PGD: variants seen among roughly 807,000 people sequenced by gnomAD.
PGD encodes phosphogluconate dehydrogenase.
A neutral mutation model predicts 60.4 loss-of-function variants in PGD; 21 were observed. The ratio of observed to expected loss-of-function variants is 0.35; its 90% CI spans 0.25 to 0.50. The LOEUF is 0.50. PGD is among the 20% of genes least tolerant of loss of function. PGD has a pLI of 0.98. For synonymous variants in PGD, 230 were observed against 235.9 expected, an observed-to-expected ratio of 0.97 and a Z score of 0.23; for missense variants, 477 against 613.1, an observed-to-expected ratio of 0.78 and a Z score of 2.34.
chr1:10,417,245 C>G, intron 9 of PGD, 128 bp downstream of exon 9: 14 of 1,438,450 alleles, frequency 9.7e-6, no homozygotes, highest in Non-Finnish European at 1.2e-5. Flanking sequence ...TGACTTGGAT[C>G]TTGACTTACA....
chr1:10,400,472 C>T lies in PGD; in HGVS notation c.164C>T (p.Ala55Val). 6.2e-7 allele frequency: 1 copy of T among 1,613,638 alleles called. No homozygotes were observed. Among genetic ancestry groups the T allele is most frequent in the Non-Finnish European group, 8.5e-7 (1 of 1,179,662 alleles). ...GCAAAGGGAACCAAAGTGGTGGGTG[C>T]CCAGTCCCTGAAAGAGATGGTCTCC... The part of the protein sequence containing the change: ...NEAKGTKVVG[A>V]QSLKEMVSKL... The change falls in exon 3 of 13, where the codon GCC becomes GTC. Residue 55 changes from alanine to valine, a missense_variant. Ala to Val is a moderately conservative substitution (Grantham distance 64). Around this residue, in one of 3 missense-constraint regions of PGD, gnomAD observed 431 missense variants for 556.6 expected, o/e 0.77. Coordinates refer to ENST00000270776, the MANE Select transcript of PGD (RefSeq NM_002631.4).
At chr1:10,406,070 G>T (rs1639399459) in intron 5 of PGD, among the ~76,000 whole-genome samples, 1 of 152,100 alleles carries the variant, frequency 6.6e-6, no homozygotes, top group Admixed American at 6.5e-5. Context: ...AGCCAGGATG[G>T]TCTTGATCCC....
In PGD at chr1:10,417,367, A is replaced by G. The variant is rs553111431; in HGVS notation, c.976-9A>G. Reference sequence around the variant, plus strand: ...GGCAATCCTAGTAGGTCTCTGTGTCACTCTTTAGGCACTCTACGCTTCCAA... The same window carrying G: ...GGCAATCCTAGTAGGTCTCTGTGTCGCTCTTTAGGCACTCTACGCTTCCAA... On this transcript the variant is annotated splice_polypyrimidine_tract_variant and intron_variant, in intron 9 of 12. Coordinates refer to ENST00000270776, the MANE Select transcript of PGD (RefSeq NM_002631.4). 3 of 1,601,246 alleles carry G rather than the reference A, an allele frequency of 1.9e-6. No individual in the cohort carries two copies. The highest frequency in any genetic ancestry group is 2.6e-6 in the Non-Finnish European group (3 of 1,173,622).
At chr1:10,399,301 G>T (rs1442418185) in intron 1 of PGD, among the ~76,000 whole-genome samples, 176 bp downstream of exon 1, 1 of 152,210 alleles carries the variant, frequency 6.6e-6, no homozygotes, top group Non-Finnish European at 1.5e-5. Context: ...TTCCCTGCGG[G>T]CCCGGCCCCC....
At chr1:10,399,477 C>A in intron 1 of PGD, 152 bp from the exon 2 acceptor site, 1 of 693,554 alleles carries the variant, frequency 1.4e-6, no homozygotes, top group South Asian at 1.8e-5. Flanking sequence ...CGAGGCTCTG[C>A]AGCGTGCGCG....
At position 10,420,319 on chromosome 1, in the gene PGD, G is replaced by A. The variant is rs986042787; in HGVS notation, c.*570G>A. Among the ~76,000 whole-genome samples, 7 of 151,340 alleles carry A rather than the reference G, an allele frequency of 4.6e-5. No individual in the cohort carries two copies. The highest frequency in any genetic ancestry group is 1.7e-4 in the African/African-American group (7 of 41,180). Reference sequence around the variant, plus strand: ...GACACACCAGGGGCTTTAATACACTGGGCATGTTTTCTTTCTCCAATTGGG... The same window carrying A: ...GACACACCAGGGGCTTTAATACACTAGGCATGTTTTCTTTCTCCAATTGGG... On this transcript the variant is annotated 3_prime_UTR_variant, in exon 13 of 13. Transcript: ENST00000270776.
chr1:10,413,327 G>T, intron 8 of PGD, 76 bp downstream of exon 8: 1 of 1,309,742 alleles, frequency 7.6e-7, no homozygotes, highest in Non-Finnish European at 1.1e-6. Flanking sequence ...ATACAGACTG[G>T]TCTTTAGAGA....
rs371813553 is a variant in PGD, at chr1:10,399,680, G to A, written c.60G>A (p.Leu20=). The A allele has an allele frequency of 1.9e-6, 3 of 1,614,152 alleles. No individual in the cohort carries two copies. Among genetic ancestry groups the A allele is most frequent in the Non-Finnish European group, 2.5e-6 (3 of 1,180,020 alleles). The change falls in exon 2 of 13, where the codon CTG becomes CTA. Residue 20 remains leucine, a synonymous_variant. Transcript: ENST00000270776. ...CCGTCATGGGCCAGAACTTAATTCT[G>A]AACATGAATGACCACGGCTTTGTGG... The part of the protein sequence containing the change: ...GLAVMGQNLI[L]NMNDHGFVVC...
chr1:10,410,910 A>G (rs1236542145), intron 6 of PGD, among the ~76,000 whole-genome samples: 3 of 151,958 alleles, frequency 2.0e-5, no homozygotes, highest in South Asian at 2.1e-4. Context: ...CTGGGCTTAC[A>G]AGGTTGAGAC....
chr1:10,399,710 C>T lies in PGD; in HGVS notation c.84+6C>T, dbSNP rs771788577. 5 of 1,613,080 alleles carry T rather than the reference C, an allele frequency of 3.1e-6. No individual in the cohort carries two copies. Among genetic ancestry groups the T allele is most frequent in the Non-Finnish European group, 4.2e-6 (5 of 1,179,228 alleles). On this transcript the variant is annotated splice_donor_region_variant and intron_variant, in intron 2 of 12. Transcript: ENST00000270776. ...TGAATGACCACGGCTTTGTGGTAAG[C>T]GGCGTGGGCGCGTTGTCTTCTCTCT...
chr1:10,412,589 C>G (rs375153968), intron 7 of PGD, among the ~76,000 whole-genome samples: 1 of 152,170 alleles, frequency 6.6e-6, no homozygotes, highest in South Asian at 2.1e-4. Flanking sequence ...TCAGCAAACA[C>G]ACGAGTGCTT....
At chr1:10,418,417 GA>G (rs1350285103) in intron 10 of PGD, among the ~76,000 whole-genome samples, 2 of 152,158 alleles carry the variant, frequency 1.3e-5, no homozygotes, top group Non-Finnish European at 2.9e-5. Context: ...GAAGAAATGA[GA>G]AATGTAACTT....
At chr1:10,400,310 A>T in intron 2 of PGD, 83 bp from the exon 3 acceptor site, 1 of 1,059,452 alleles carries the variant, frequency 9.4e-7, no homozygotes, top group Non-Finnish European at 1.4e-6. Context: ...CTTGGGTTGA[A>T]TGGAAAGGTC....
Position 10,411,401 on chromosome 1 carries a change from G to T in PGD, c.520-17G>T. 1 of 1,612,464 alleles carries T rather than the reference G, an allele frequency of 6.2e-7. No homozygotes were observed. Among genetic ancestry groups the T allele is most frequent in the Non-Finnish European group, 8.5e-7 (1 of 1,179,738 alleles). ...CCTGTTTCTCTGAAGGCCTCTTGGT[G>T]CTTGTTGTCCTGACAGGTGGGAGAT... On this transcript the variant is annotated splice_polypyrimidine_tract_variant and intron_variant, in intron 6 of 12. Transcript: ENST00000270776.
chr1:10,411,700 G>A (rs965202721), intron 7 of PGD, 148 bp downstream of exon 7: 46 of 807,544 alleles, frequency 5.7e-5, no homozygotes, highest in Non-Finnish European at 8.7e-5. Context: ...GTTAGTAATA[G>A]GCCTATACAC....
chr1:10,402,610 C>T (rs779136314), intron 3 of PGD, among the ~76,000 whole-genome samples: 1 of 151,590 alleles, frequency 6.6e-6, no homozygotes, highest in Non-Finnish European at 1.5e-5. Flanking sequence ...GCAAGCTCCA[C>T]CTCCCGGGTT....
chr1:10,400,364 T>G, intron 2 of PGD, 29 bp from the exon 3 acceptor site: 1 of 1,539,112 alleles, frequency 6.5e-7, no homozygotes, highest in Non-Finnish European at 8.9e-7. Context: ...GTGTCCTGGA[T>G]CTCCTACTCA....
intron 1 of PGD, among the ~76,000 whole-genome samples, 196 bp downstream of exon 1, chr1:10,399,321 G>A (rs1195627977): frequency 6.6e-6 from 1 of 152,178 alleles, no homozygotes; most frequent in Admixed American, 6.5e-5. Context: ...CTGCCCTCTC[G>A]GCCGCGCAGG....
chr1:10,412,066 C>G (rs760412332), intron 7 of PGD, among the ~76,000 whole-genome samples: 11 of 152,204 alleles, frequency 7.2e-5, no homozygotes, highest in African/African-American at 2.7e-4. Context: ...CCTGTACTTG[C>G]TTTAGCAATG....
Sources: gnomAD v4.1 joint callset for allele counts (sites outside exome capture counted in the v4.1 genomes callset) on GRCh38, gnomAD v4.1.1 for gene constraint, gnomAD v4.1.1 regional missense constraint, MANE v1.5 for transcripts, NCBI Gene and HGNC (gene_info 2026-07-23, HGNC 2026-07-21) for gene names.